ATAD2: variants seen among roughly 807,000 people sequenced by gnomAD.
The protein encoded by ATAD2 is ATPase family AAA domain containing 2.
Under a neutral mutation model 168.9 loss-of-function variants are expected in ATAD2, and 62 were observed. That is an observed-to-expected ratio of 0.37 (90% CI 0.30 to 0.45). The LOEUF is 0.45. Ranked by LOEUF, ATAD2 falls within the 20% of genes least tolerant of loss-of-function variation. The pLI is 1.00. For synonymous variants in ATAD2, 613 were observed against 571.6 expected (o/e 1.07, Z -1.03); for missense variants, 1,419 against 1,667.8 (o/e 0.85, Z 2.60).
chr8:123,397,130 T>C (rs930480296), upstream of ATAD2, among the ~76,000 whole-genome samples: 1 of 149,846 alleles, frequency 6.7e-6, no homozygotes, highest in Non-Finnish European at 1.5e-5. Context: ...CATTCTAATT[T>C]CCTCACACGC....
rs1168684792 is a variant in ATAD2, at chr8:123,357,717, G to T, written c.1402C>A (p.Pro468Thr). The T allele has an allele frequency of 1.2e-5, 19 of 1,606,898 alleles. No individual in the cohort carries two copies. Among genetic ancestry groups the T allele is most frequent in the Non-Finnish European group, 1.5e-5 (18 of 1,177,558 alleles). ...QPPRGCLFYGPPGTGKTLVAR... is the reference protein window; with the variant it reads ...QPPRGCLFYGTPGTGKTLVAR... ...ACCAGAGTCTTTCCAGTTCCAGGTG[G>T]CCCATAAAACAAACAACCTCTGTAA... The change falls in exon 12 of 28, where the codon CCA (proline) becomes ACA (threonine). Residue 468 changes from proline (P) to threonine (T), a missense_variant. Pro to Thr is a conservative substitution (Grantham distance 38, BLOSUM62 -1). Around this residue, in one of 5 missense-constraint regions of ATAD2, gnomAD observed 146 missense variants for 188.3 expected, o/e 0.78. Transcript: ENST00000287394.
intron 16 of ATAD2, 60 bp downstream of exon 16, chr8:123,347,032 G>C: frequency 2.0e-6 from 3 of 1,464,668 alleles, no homozygotes; most frequent in Non-Finnish European, 2.8e-6. Flanking sequence ...TGGTATGTAT[G>C]AAACATTTCA....
At chr8:123,356,207 G>A (rs924871561) in intron 13 of ATAD2, 182 bp downstream of exon 13, 3 of 360,146 alleles carry the variant, frequency 8.3e-6, no homozygotes, top group Non-Finnish European at 1.5e-5. Flanking sequence ...CAGGAATACA[G>A]GTATGAGCCA....
intron 1 of ATAD2, among the ~76,000 whole-genome samples, chr8:123,381,551 T>C (rs1223672709): frequency 6.7e-6 from 1 of 149,224 alleles, no homozygotes; most frequent in Non-Finnish European, 1.5e-5. Context: ...TGTTAATCTG[T>C]TGTAAAAACC....
In ATAD2 at chr8:123,347,189, C is replaced by T. The variant is rs779486498; in HGVS notation, c.2115G>A (p.Val705=). ...CAACAGTGTTTTGCAGGAGTGGTTT[C>T]ACAACGGTGGACAGTGCCTGCCCAG... ...TSPGQALSTV[V]KPLLQNTVDK... The change falls in exon 16 of 28, where the codon GTG becomes GTA. Residue 705 remains valine (V), a synonymous_variant. Transcript: ENST00000287394. The T allele has an allele frequency of 1.9e-6, 3 of 1,614,198 alleles. No homozygotes were observed. The highest frequency in any genetic ancestry group is 2.5e-6 in the Non-Finnish European group (3 of 1,180,040).
chr8:123,412,315 T>C (rs986473545), intron 1 of ATAD2, among the ~76,000 whole-genome samples: 1 of 152,248 alleles, frequency 6.6e-6, no homozygotes, highest in African/African-American at 2.4e-5. Context: ...GTCACCTGTA[T>C]TTTAATTAAT....
intron 24 of ATAD2, among the ~76,000 whole-genome samples, chr8:123,330,919 CCTT>C (rs1376752171): frequency 1.3e-5 from 2 of 152,088 alleles, no homozygotes; most frequent in South Asian, 2.1e-4. Flanking sequence ...TTCAAAATTT[CCTT>C]CTTTTCTTTC....
intron 27 of ATAD2, 55 bp downstream of exon 27, chr8:123,322,882 GA>G: frequency 1.3e-6 from 2 of 1,529,808 alleles, no homozygotes; most frequent in Non-Finnish European, 1.8e-6. Flanking sequence ...CTACATAAGT[GA>G]TATATTAATG....
chr8:123,390,208 A>C (rs1468989273), intron 1 of ATAD2, among the ~76,000 whole-genome samples: 2 of 151,658 alleles, frequency 1.3e-5, no homozygotes, highest in Admixed American at 1.3e-4. Context: ...TGAACTTCTG[A>C]TCTCCGGTGA....
chr8:123,412,814 T>C (rs919242661), intron 1 of ATAD2, among the ~76,000 whole-genome samples: 1 of 152,136 alleles, frequency 6.6e-6, no homozygotes, highest in African/African-American at 2.4e-5. Flanking sequence ...ACTAACAGAC[T>C]TGACCAAACT....
At chr8:123,375,908 C>A (rs1586894354) in intron 2 of ATAD2, among the ~76,000 whole-genome samples, 1 of 151,738 alleles carries the variant, frequency 6.6e-6, no homozygotes, top group South Asian at 2.1e-4. Flanking sequence ...GAGTTCAAGA[C>A]CAGCCTGGCC....
At chr8:123,395,110 C>T (rs1245230873) in intron 1 of ATAD2, among the ~76,000 whole-genome samples, 1 of 152,178 alleles carries the variant, frequency 6.6e-6, no homozygotes, top group East Asian at 1.9e-4. Context: ...CCCTGAGCCT[C>T]TCATTCTCAT....
chr8:123,359,729 A>C, intron 9 of ATAD2, 44 bp from the exon 10 acceptor site: 1 of 1,306,474 alleles, frequency 7.7e-7, no homozygotes, highest in Non-Finnish European at 1.1e-6. Flanking sequence ...CCATCAACTC[A>C]CCCTCCTTCC....
chr8:123,382,703 T>C (rs926271479), intron 1 of ATAD2, among the ~76,000 whole-genome samples: 1 of 152,216 alleles, frequency 6.6e-6, no homozygotes, highest in Admixed American at 6.5e-5. Flanking sequence ...AAACAACAGA[T>C]GCTGGAGAGG....
At chr8:123,399,622 C>T (rs1003315748), upstream of ATAD2, among the ~76,000 whole-genome samples, 33 of 151,952 alleles carry the variant, frequency 2.2e-4, no homozygotes, top group African/African-American at 5.3e-4. Context: ...TTTGGGAGGC[C>T]GAGGTGGGTA....
rs1232904231 is a variant in ATAD2, at chr8:123,331,597, A to G, written c.3478+2281T>C. On this transcript the variant is annotated intron_variant, in intron 24 of 27. Coordinates refer to ENST00000287394, the MANE Select transcript of ATAD2 (RefSeq NM_014109.4). The stretch of plus-strand genomic sequence containing the variant: ...CTGGATTCATTTGTCTTGAAAGGGC[A>G]GGGTACTACAGCTGCAGACCTCAAT... 3.3e-5 allele frequency among the ~76,000 whole-genome samples: 5 copies of G among 152,320 alleles called. No individual in the cohort carries two copies. In the East Asian group the frequency reaches 7.7e-4, roughly 23 times the overall value.
chr8:123,345,976 T>C, intron 18 of ATAD2, 110 bp downstream of exon 18: 1 of 901,034 alleles, frequency 1.1e-6, no homozygotes, highest in South Asian at 2.5e-5. Flanking sequence ...TTTGTAAACC[T>C]AAAGTTACAA....
intron 24 of ATAD2, 73 bp from the exon 25 acceptor site, chr8:123,328,652 T>C (rs1827681843): frequency 4.3e-6 from 6 of 1,395,408 alleles, no homozygotes; most frequent in Non-Finnish European, 5.7e-6. Context: ...TGAAAAACCC[T>C]GATATATGAA....
At chr8:123,414,902 G>C (rs1470868652) in intron 1 of ATAD2, among the ~76,000 whole-genome samples, 2 of 152,148 alleles carry the variant, frequency 1.3e-5, no homozygotes, top group Non-Finnish European at 2.9e-5. Context: ...TCAATGTTAG[G>C]ATTGACTTGT....
Sources: gnomAD v4.1 joint callset for allele counts (sites outside exome capture counted in the v4.1 genomes callset) on GRCh38, gnomAD v4.1.1 for gene constraint, gnomAD v4.1.1 regional missense constraint, MANE v1.5 for transcripts, NCBI Gene and HGNC (gene_info 2026-07-23, HGNC 2026-07-21) for gene names.